The following UTP20 variants were observed in gnomAD, a reference collection of about 807,000 sequenced individuals.
The protein encoded by UTP20 is small subunit processome component 20 homolog.
Under a neutral mutation model 329.5 loss-of-function variants are expected in UTP20, and 164 were observed. That is an observed-to-expected ratio of 0.50 (90% confidence interval 0.44 to 0.57). UTP20 has a LOEUF of 0.57. Ranked by LOEUF, UTP20 falls within the 20% of genes least tolerant of loss-of-function variation. UTP20 has a pLI of 0.00. For missense variants in UTP20, 3,055 were observed against 3,284.2 expected (o/e 0.93, Z 1.71); for synonymous variants, 1,151 against 1,159.3 (o/e 0.99, Z 0.14).
At position 101,319,843 on chromosome 12, in the gene UTP20, C is replaced by T. The variant is rs998231013; in HGVS notation, c.2829+208C>T. ...GCACTAACTTAGCTGATTTTGAAGG[C>T]ATTTTGGGTGACTAAACATTGATTG... is the stretch of plus-strand genomic sequence containing the variant. On this transcript the variant is annotated intron_variant, in intron 23 of 61. Coordinates refer to ENST00000261637, the MANE Select transcript of UTP20 (RefSeq NM_014503.3). Among the ~76,000 whole-genome samples the T allele has an allele frequency of 2.6e-5, 4 of 151,906 alleles. No homozygotes were observed. In the South Asian group the frequency reaches 8.3e-4, roughly 32 times the overall value.
At chr12:101,367,820 AT>A in intron 47 of UTP20, 39 bp from the exon 48 acceptor site, 1 of 1,330,508 alleles carries the variant, frequency 7.5e-7, no homozygotes, top group Non-Finnish European at 1.1e-6. Flanking sequence ...ATCTGGTCTA[AT>A]GGGCAACTAA....
At chr12:101,289,074 T>A (rs1281885015) in intron 6 of UTP20, 33 bp downstream of exon 6, 4 of 1,574,026 alleles carry the variant, frequency 2.5e-6, no homozygotes, top group African/African-American at 1.4e-5. Context: ...TTGTTGCTAA[T>A]CATCAAGAAT....
At chr12:101,371,297 G>T in intron 51 of UTP20, 129 bp downstream of exon 51, 1 of 671,490 alleles carries the variant, frequency 1.5e-6, no homozygotes. Flanking sequence ...TGAGACTTGG[G>T]CGTCCTGGTG....
chr12:101,336,128 A>G (rs1393181200), intron 29 of UTP20, among the ~76,000 whole-genome samples: 1 of 152,210 alleles, frequency 6.6e-6, no homozygotes. Flanking sequence ...AGAGTTAGGC[A>G]GCAGAACCTT....
chr12:101,368,095 G>T, intron 48 of UTP20, 119 bp downstream of exon 48: 9 of 687,238 alleles, frequency 1.3e-5, no homozygotes, highest in Non-Finnish European at 1.5e-5. Context: ...AGGTGTTTTT[G>T]TTTGGTTGGT....
chr12:101,360,332 G>T (rs1869870697), intron 43 of UTP20, among the ~76,000 whole-genome samples: 1 of 152,032 alleles, frequency 6.6e-6, no homozygotes, highest in Non-Finnish European at 1.5e-5. Flanking sequence ...TTGAGCCCAG[G>T]GTGTTCAAAA....
intron 2 of UTP20, among the ~76,000 whole-genome samples, chr12:101,282,293 C>T (rs73159714): frequency 0.017 from 2,573 of 152,176 alleles, 22 homozygotes; most frequent in Non-Finnish European, 0.027. Flanking sequence ...GTGATCTAGA[C>T]GAGGTGACAC....
At chr12:101,310,614 A>G (rs1370196879) in intron 19 of UTP20, among the ~76,000 whole-genome samples, 2 of 144,920 alleles carry the variant, frequency 1.4e-5, no homozygotes, top group African/African-American at 2.6e-5. Flanking sequence ...GTTATGGCTC[A>G]TGTGTAGAAA....
intron 2 of UTP20, 104 bp from the exon 3 acceptor site, chr12:101,285,466 C>A: frequency 7.9e-7 from 1 of 1,260,520 alleles, no homozygotes; most frequent in Non-Finnish European, 1.1e-6. Context: ...TTCTTAAACT[C>A]TTCAGTATCA....
intron 22 of UTP20, among the ~76,000 whole-genome samples, chr12:101,318,921 C>A (rs1873062750): frequency 6.6e-6 from 1 of 151,518 alleles, no homozygotes; most frequent in Admixed American, 6.6e-5. Flanking sequence ...AAAGTCTTGT[C>A]CACTAACAGA....
chr12:101,282,254 C>T (rs571404461), intron 2 of UTP20, among the ~76,000 whole-genome samples: 1 of 151,828 alleles, frequency 6.6e-6, no homozygotes, highest in South Asian at 2.1e-4. Context: ...GGAACCTAAC[C>T]TACATTCTTT....
At chr12:101,371,312 T>A in intron 51 of UTP20, 144 bp downstream of exon 51, 1 of 613,812 alleles carries the variant, frequency 1.6e-6, no homozygotes, top group Non-Finnish European at 2.6e-6. Flanking sequence ...CTGGTGCAGG[T>A]GGTCAGGGGA....
At position 101,321,595 on chromosome 12, in the gene UTP20, G is replaced by A. The variant is rs142899095; in HGVS notation, c.3007G>A (p.Ala1003Thr). Residue 1003 changes from alanine to threonine, a missense_variant, in exon 25 of 62, where the codon GCC becomes ACC. Physicochemically the swap from Ala to Thr is moderately conservative, Grantham distance 58 (BLOSUM62 0). Transcript: ENST00000261637. ...ISEDNAVVKT[A>T]HRADLFPILM... is the part of the protein sequence containing the mutation. Reference sequence around the variant, plus strand: ...AGAAGATAATGCTGTAGTGAAAACAGCCCACCGAGCAGATCTATTTCCTAT... The same window carrying A: ...AGAAGATAATGCTGTAGTGAAAACAACCCACCGAGCAGATCTATTTCCTAT... The A allele has an allele frequency of 1.9e-5, 30 of 1,613,584 alleles. No individual in the cohort carries two copies. In the African/African-American group the frequency reaches 2.9e-4, roughly 16 times the overall value.
intron 32 of UTP20, among the ~76,000 whole-genome samples, chr12:101,341,575 A>G (rs1869137264): frequency 6.6e-6 from 1 of 152,170 alleles, no homozygotes; most frequent in Non-Finnish European, 1.5e-5. Flanking sequence ...ATAGATGAAA[A>G]TATTTGGAGA....
chr12:101,369,684 A>T (rs749608453), intron 48 of UTP20, 37 bp from the exon 49 acceptor site: 49 of 1,105,044 alleles, frequency 4.4e-5, no homozygotes, highest in African/African-American at 7.7e-5. Context: ...ATTCGGTCAC[A>T]TCACAAGTTG....
At chr12:101,329,689 A>C (rs10860710) in intron 27 of UTP20, among the ~76,000 whole-genome samples, 1 of 151,906 alleles carries the variant, frequency 6.6e-6, no homozygotes, top group Non-Finnish European at 1.5e-5. Context: ...GAGGAGAAAA[A>C]GCAATCAATA....
At chr12:101,350,690 CA>C (rs1869486510) in intron 38 of UTP20, among the ~76,000 whole-genome samples, 1 of 152,122 alleles carries the variant, frequency 6.6e-6, no homozygotes, top group African/African-American at 2.4e-5. Flanking sequence ...CCTAAATACC[CA>C]ATGCCCTGTG....
intron 38 of UTP20, among the ~76,000 whole-genome samples, chr12:101,347,891 T>A (rs545034224): frequency 1.1e-4 from 16 of 152,286 alleles, no homozygotes; most frequent in Admixed American, 9.8e-4. Flanking sequence ...TGCAGTAGCG[T>A]GATCTCAGCT....
chr12:101,380,640 A>G (rs1870614162), intron 57 of UTP20, among the ~76,000 whole-genome samples: 1 of 152,070 alleles, frequency 6.6e-6, no homozygotes, highest in Admixed American at 6.5e-5. Flanking sequence ...AGGTGGGTGG[A>G]TCACCTGAGG....
Sources: allele counts gnomAD v4.1 joint callset (sites outside exome capture counted in the v4.1 genomes callset), GRCh38; gene constraint gnomAD v4.1.1; transcripts MANE v1.5; gene names NCBI Gene and HGNC (gene_info 2026-07-23, HGNC 2026-07-21).